Variants in POU6F2 observed in about 807,000 individuals in gnomAD.
POU6F2 encodes the protein POU domain, class 6, transcription factor 2.
POU6F2 carries 31 observed loss-of-function variants against 71.3 expected under a neutral mutation model. The ratio of observed to expected loss-of-function variants is 0.43; its 90% CI spans 0.33 to 0.59. POU6F2 has a LOEUF of 0.59. Among genes scored for constraint, POU6F2 ranks in the 20% least tolerant of loss-of-function variants. The pLI, the probability that POU6F2 is intolerant of heterozygous loss-of-function variation, is 0.04. For synonymous variants in POU6F2, 347 were observed against 355.7 expected, an observed-to-expected ratio of 0.98 and a Z score of 0.27; for missense variants, 783 against 856.8, an observed-to-expected ratio of 0.91 and a Z score of 1.07.
intron 1 of POU6F2, among the ~76,000 whole-genome samples, chr7:39,043,603 C>A (rs941577603): frequency 9.9e-5 from 15 of 151,942 alleles, no homozygotes; most frequent in African/African-American, 3.6e-4. Flanking sequence ...AGGTGTCACA[C>A]TGGAGTAATT....
intron 1 of POU6F2, among the ~76,000 whole-genome samples, chr7:39,013,811 C>T (rs1265859452): frequency 2.0e-5 from 3 of 152,158 alleles, no homozygotes; most frequent in Admixed American, 2.0e-4. Context: ...TGTAATATGT[C>T]ATCTTTCCAA....
intron 1 of POU6F2, among the ~76,000 whole-genome samples, chr7:39,045,857 AG>A (rs1189096297): frequency 6.6e-6 from 1 of 151,892 alleles, no homozygotes; most frequent in Non-Finnish European, 1.5e-5. Context: ...ACCCATTCAT[AG>A]TTGACAGACA....
intron 7 of POU6F2, among the ~76,000 whole-genome samples, chr7:39,450,469 G>C (rs1429775506): frequency 6.6e-6 from 1 of 150,562 alleles, no homozygotes; most frequent in Admixed American, 6.6e-5. Flanking sequence ...TCCCGGAGAA[G>C]AAAAAAAAAT....
At chr7:39,336,739 G>A (rs1044789427) in intron 4 of POU6F2, among the ~76,000 whole-genome samples, 9 of 152,312 alleles carry the variant, frequency 5.9e-5, no homozygotes, top group African/African-American at 2.2e-4. Flanking sequence ...CAATCCACCA[G>A]TTTGCCAGCC....
intron 4 of POU6F2, among the ~76,000 whole-genome samples, chr7:39,254,572 C>G (rs946008795): frequency 6.6e-6 from 1 of 152,180 alleles, no homozygotes; most frequent in Non-Finnish European, 1.5e-5. Flanking sequence ...TTCCAGCATC[C>G]GCAAGCTCCT....
intron 4 of POU6F2, among the ~76,000 whole-genome samples, chr7:39,233,772 C>G (rs1794621392): frequency 6.6e-6 from 1 of 152,154 alleles, no homozygotes; most frequent in African/African-American, 2.4e-5. Flanking sequence ...TTCCTGGTAA[C>G]TCATTTTCTC....
At chr7:39,373,407 A>G (rs1166585724) in intron 5 of POU6F2, 5 of 456,472 alleles carry the variant, frequency 1.1e-5, no homozygotes, top group South Asian at 7.8e-5. Context: ...TAGTATGCCA[A>G]GAGCCAACAG....
intron 2 of POU6F2, among the ~76,000 whole-genome samples, chr7:39,159,975 C>T (rs962209251): frequency 7.9e-5 from 12 of 152,120 alleles, no homozygotes; most frequent in African/African-American, 2.4e-4. Context: ...ATAAGCCAAT[C>T]CTGAGATTCT....
intron 4 of POU6F2, among the ~76,000 whole-genome samples, chr7:39,292,370 A>G (rs575592712): frequency 6.6e-6 from 1 of 152,276 alleles, no homozygotes; most frequent in East Asian, 1.9e-4. Context: ...TGCCATCATT[A>G]TGGGAAAGAA....
intron 2 of POU6F2, among the ~76,000 whole-genome samples, chr7:39,166,484 T>C (rs1023043415): frequency 2.6e-5 from 4 of 152,180 alleles, no homozygotes; most frequent in African/African-American, 9.7e-5. Context: ...AAGACACTGA[T>C]TGGGAAACAG....
chr7:39,097,829 G>A (rs1178465761), intron 2 of POU6F2, among the ~76,000 whole-genome samples: 4 of 152,128 alleles, frequency 2.6e-5, no homozygotes, highest in African/African-American at 9.7e-5. Flanking sequence ...CCCACAATCA[G>A]CATCATACAT....
At chr7:39,105,439 T>C (rs1242059022) in intron 2 of POU6F2, among the ~76,000 whole-genome samples, 1 of 152,020 alleles carries the variant, frequency 6.6e-6, no homozygotes, top group Non-Finnish European at 1.5e-5. Flanking sequence ...CTCAGGTTTT[T>C]TTTTTTTCCT....
At chr7:39,079,104 G>A (rs902466392) in intron 1 of POU6F2, among the ~76,000 whole-genome samples, 1 of 148,742 alleles carries the variant, frequency 6.7e-6, no homozygotes, top group African/African-American at 2.5e-5. Context: ...TAGTCTATTT[G>A]TGTAATACTT....
chr7:39,050,587 A>G (rs1172615226), intron 1 of POU6F2, among the ~76,000 whole-genome samples: 2 of 152,266 alleles, frequency 1.3e-5, no homozygotes, highest in South Asian at 2.1e-4. Flanking sequence ...TAGGGCCTCA[A>G]CCAGGATTCA....
chr7:39,464,986 G>T lies in POU6F2; in HGVS notation c.*300G>T. 1 of 303,688 alleles carries T rather than the reference G, an allele frequency of 3.3e-6. No homozygotes were observed. The allele number at this position is 303,688 out of a possible 1,614,324, so 18.8% of individuals were successfully genotyped here. ...CCCCCACCTGTCTCCCCCAAAGCCA[G>T]TTTTTTAATGGACTTAAAGCAAACC... On this transcript the variant is annotated 3_prime_UTR_variant, in exon 10 of 10. Coordinates refer to ENST00000518318, the MANE Select transcript of POU6F2 (RefSeq NM_001370959.1). The surrounding 1 kb of genome is among the most constrained non-coding windows in gnomAD (Gnocchi z 4.1).
At chr7:39,033,034 G>T (rs186286775) in intron 1 of POU6F2, among the ~76,000 whole-genome samples, 4 of 152,148 alleles carry the variant, frequency 2.6e-5, no homozygotes, top group Non-Finnish European at 5.9e-5. Flanking sequence ...TGATAAAACC[G>T]GTGTCTAAAG....
At chr7:39,211,804 C>T (rs115773625) in intron 4 of POU6F2, among the ~76,000 whole-genome samples, 2,143 of 152,240 alleles carry the variant, frequency 0.014, 54 homozygotes, top group African/African-American at 0.048. Context: ...CATCTAATCC[C>T]CACACCCAGA....
intron 6 of POU6F2, among the ~76,000 whole-genome samples, chr7:39,416,234 C>T (rs948365888): frequency 7.9e-5 from 12 of 151,876 alleles, no homozygotes; most frequent in African/African-American, 2.7e-4. Context: ...TCAAAGAAAC[C>T]AGACAGGTAG....
In POU6F2 at chr7:39,464,346, A is replaced by T. The variant is rs1350614776; in HGVS notation, c.1823A>T (p.Glu608Val). 4 of 1,613,928 alleles carry T rather than the reference A, an allele frequency of 2.5e-6. No individual in the cohort carries two copies. Among genetic ancestry groups the T allele is most frequent in the Non-Finnish European group, 3.4e-6 (4 of 1,179,902 alleles). ...KSAQKIKPVL[E>V]RWMAEAEARH... Reference sequence around the variant, plus strand: ...GCCCAGAAGATCAAGCCGGTGCTTGAGCGGTGGATGGCTGAGGCTGAGGCC... The same window carrying T: ...GCCCAGAAGATCAAGCCGGTGCTTGTGCGGTGGATGGCTGAGGCTGAGGCC... Residue 608 changes from glutamate to valine, a missense_variant, in exon 10 of 10, where the codon GAG becomes GTG. Transcript: ENST00000518318. This position sits in a 1 kb window ranked among gnomAD's most constrained non-coding sequence, Gnocchi z 4.1.
Sources: allele counts gnomAD v4.1 joint callset (sites outside exome capture counted in the v4.1 genomes callset), GRCh38; gene constraint gnomAD v4.1.1; non-coding constraint Gnocchi (gnomAD v3.1); transcripts MANE v1.5; gene names NCBI Gene and HGNC (gene_info 2026-07-23, HGNC 2026-07-21).